The following RSPO3 variants were observed in gnomAD, a reference collection of about 807,000 sequenced individuals.
RSPO3 encodes the protein R-spondin-3.
A neutral mutation model predicts 36.5 loss-of-function variants in RSPO3; 17 were observed. The observed-to-expected ratio is 0.47, with a 90% CI of 0.32 to 0.70. The LOEUF is 0.70. Ranked by LOEUF, RSPO3 falls within the 30% of genes least tolerant of loss-of-function variation. RSPO3 has a pLI of 0.04. For missense variants in RSPO3, 294 were observed against 322.5 expected, an observed-to-expected ratio of 0.91 and a Z score of 0.68; for synonymous variants, 108 against 107.0, an observed-to-expected ratio of 1.01 and a Z score of -0.06.
At chr6:127,130,872 G>C (rs1292030722) in intron 1 of RSPO3, among the ~76,000 whole-genome samples, 1 of 151,922 alleles carries the variant, frequency 6.6e-6, no homozygotes, top group African/African-American at 2.4e-5. Context: ...GACCCTCGTT[G>C]CTTGTTTGGT....
intron 4 of RSPO3, 97 bp from the exon 5 acceptor site, chr6:127,195,726 A>G (rs1775500567): frequency 1.3e-6 from 1 of 789,638 alleles, no homozygotes; most frequent in East Asian, 2.8e-5. Context: ...TCATTATGAT[A>G]TATAATCTAA....
intron 1 of RSPO3, among the ~76,000 whole-genome samples, chr6:127,148,112 G>A (rs891864492): frequency 7.9e-5 from 12 of 152,016 alleles, no homozygotes; most frequent in Non-Finnish European, 1.6e-4. Flanking sequence ...GTTCAAAACA[G>A]ATATAAAACT....
At chr6:127,184,951 AACAT>A (rs924069704) in intron 4 of RSPO3, among the ~76,000 whole-genome samples, 26 of 151,926 alleles carry the variant, frequency 1.7e-4, no homozygotes, top group Non-Finnish European at 4.4e-5. Context: ...TACACACACA[AACAT>A]ACATACACAT....
chr6:127,171,924 T>C (rs1165035662), intron 4 of RSPO3, among the ~76,000 whole-genome samples: 1 of 151,580 alleles, frequency 6.6e-6, no homozygotes, highest in Non-Finnish European at 1.5e-5. Flanking sequence ...GACACATGTA[T>C]ATTGCTTAAC....
intron 4 of RSPO3, among the ~76,000 whole-genome samples, chr6:127,166,579 T>C (rs1447553377): frequency 5.3e-5 from 8 of 152,004 alleles, no homozygotes; most frequent in African/African-American, 1.7e-4. Context: ...TGAGGAGTTA[T>C]GAGTATGTAT....
intron 4 of RSPO3, among the ~76,000 whole-genome samples, chr6:127,168,541 AT>A (rs1260955796): frequency 6.6e-6 from 1 of 152,000 alleles, no homozygotes; most frequent in African/African-American, 2.4e-5. Context: ...ATTTTCTCCC[AT>A]TCTGTAGGTT....
chr6:127,180,640 T>G (rs774445980), intron 4 of RSPO3, among the ~76,000 whole-genome samples: 9 of 151,374 alleles, frequency 5.9e-5, no homozygotes, highest in Non-Finnish European at 8.8e-5. Context: ...TGGCCTTGAG[T>G]GGGTTAACAA....
In RSPO3 at chr6:127,195,947, G is replaced by T. The variant is rs745891609; in HGVS notation, c.759G>T (p.Gln253His). Residue 253 changes from glutamine to histidine, a missense_variant, in exon 5 of 5, where the codon CAG (glutamine) becomes CAT (histidine). By Grantham distance (24) the Gln-to-His change is conservative (BLOSUM62 0). Coordinates refer to ENST00000356698, the MANE Select transcript of RSPO3 (RefSeq NM_032784.5). ...CAGAGCAACGAGAAAACAAACAGCA[G>T]CAGAAGAAGCGAAAAGTCCAAGATA... ...EIPEQRENKQ[Q>H]QKKRKVQDKQ... 1.9e-6 allele frequency: 3 copies of T among 1,613,084 alleles called. No individual in the cohort carries two copies. The highest frequency in any genetic ancestry group is 2.5e-6 in the Non-Finnish European group (3 of 1,179,314).
At chr6:127,168,128 T>C (rs1774859181) in intron 4 of RSPO3, among the ~76,000 whole-genome samples, 1 of 152,190 alleles carries the variant, frequency 6.6e-6, no homozygotes, top group African/African-American at 2.4e-5. Context: ...AGTAATGGGA[T>C]GGCTGGGTCA....
chr6:127,121,734 T>C (rs995511915), intron 1 of RSPO3, among the ~76,000 whole-genome samples: 6 of 152,128 alleles, frequency 3.9e-5, no homozygotes, highest in African/African-American at 1.4e-4. Context: ...TGTTTTGAAA[T>C]CTCTGGGGGA....
chr6:127,120,730 G>T (rs1049949359), intron 1 of RSPO3, among the ~76,000 whole-genome samples: 18 of 152,274 alleles, frequency 1.2e-4, no homozygotes, highest in Non-Finnish European at 1.8e-4. Flanking sequence ...TAAAAAGGTG[G>T]CAGTGCCAGA....
At chr6:127,155,907 T>C (rs1302223667) in intron 4 of RSPO3, among the ~76,000 whole-genome samples, 9 of 150,634 alleles carry the variant, frequency 6.0e-5, no homozygotes, top group Admixed American at 2.6e-4. Context: ...CACACACACA[T>C]ATATATAAAA....
At chr6:127,178,745 CTT>C (rs1775120212) in intron 4 of RSPO3, among the ~76,000 whole-genome samples, 1 of 151,754 alleles carries the variant, frequency 6.6e-6, no homozygotes, top group Admixed American at 6.6e-5. Context: ...TCACATCTAA[CTT>C]TTCTTGATTA....
intron 4 of RSPO3, among the ~76,000 whole-genome samples, chr6:127,172,338 A>G (rs1360931163): frequency 6.6e-6 from 1 of 151,580 alleles, no homozygotes; most frequent in African/African-American, 2.4e-5. Context: ...AAATATCCAA[A>G]TGCTGAGTTG....
At chr6:127,187,138 T>C (rs192513628) in intron 4 of RSPO3, among the ~76,000 whole-genome samples, 1 of 151,946 alleles carries the variant, frequency 6.6e-6, no homozygotes, top group African/African-American at 2.4e-5. Context: ...CAGGGTAGAG[T>C]ACGAGTGTTA....
intron 4 of RSPO3, among the ~76,000 whole-genome samples, chr6:127,156,994 A>G (rs1415991980): frequency 1.3e-5 from 2 of 152,174 alleles, no homozygotes; most frequent in African/African-American, 4.8e-5. Context: ...TCTTGAAGAC[A>G]TGGGTTATTT....
intron 1 of RSPO3, among the ~76,000 whole-genome samples, chr6:127,141,845 G>A (rs1774277081): frequency 6.6e-6 from 1 of 152,072 alleles, no homozygotes; most frequent in African/African-American, 2.4e-5. Flanking sequence ...GCATGGGCAT[G>A]CATGCGTGCA....
intron 1 of RSPO3, among the ~76,000 whole-genome samples, chr6:127,125,673 A>G (rs1773926288): frequency 6.6e-6 from 1 of 152,202 alleles, no homozygotes; most frequent in Admixed American, 6.5e-5. Flanking sequence ...TTTATCACAT[A>G]AAGGTTAACG....
In RSPO3 at chr6:127,196,592, T is replaced by A. The variant is rs1775520731; in HGVS notation, c.*585T>A. On this transcript the variant is annotated 3_prime_UTR_variant, in exon 5 of 5. Coordinates refer to ENST00000356698, the MANE Select transcript of RSPO3 (RefSeq NM_032784.5). ...TGTATTTTTATAAGAAACACAAGAG[T>A]GCATACCAGAATTGAATATACCATA... 1 of 152,134 alleles carries A rather than the reference T, an allele frequency of 6.6e-6. No homozygotes were observed. Among genetic ancestry groups the A allele is most frequent in the South Asian group, 2.1e-4 (1 of 4,826 alleles). 9.4% of individuals were successfully genotyped at this position (152,134 alleles called of 1,614,324 possible).
Sources: allele counts gnomAD v4.1 joint callset (sites outside exome capture counted in the v4.1 genomes callset), GRCh38; gene constraint gnomAD v4.1.1; transcripts MANE v1.5; gene names NCBI Gene and HGNC (gene_info 2026-07-23, HGNC 2026-07-21).